Variants in PHF21A observed in about 807,000 individuals in gnomAD.
The protein encoded by PHF21A is PHD finger protein 21A.
Under a neutral mutation model 82.5 loss-of-function variants are expected in PHF21A, and 11 were observed. That is an observed-to-expected ratio of 0.13 (90% CI 0.08 to 0.22). The LOEUF (loss-of-function observed/expected upper bound fraction) is 0.22, where lower values mean the gene tolerates loss of function less well. PHF21A is among the 10% of genes least tolerant of loss of function. PHF21A has a pLI of 1.00. For missense variants in PHF21A, 579 were observed against 837.8 expected, an observed-to-expected ratio of 0.69 and a Z score of 3.81; for synonymous variants, 297 against 302.8, an observed-to-expected ratio of 0.98 and a Z score of 0.20.
At chr11:45,953,077 A>G (rs544440635) in intron 11 of PHF21A, among the ~76,000 whole-genome samples, 5 of 152,188 alleles carry the variant, frequency 3.3e-5, no homozygotes, top group Admixed American at 3.3e-4. Context: ...TTCTAATGTA[A>G]TACAATGGTT....
At chr11:46,100,265 T>C (rs182656431) in intron 1 of PHF21A, among the ~76,000 whole-genome samples, 1 of 152,094 alleles carries the variant, frequency 6.6e-6, no homozygotes, top group East Asian at 1.9e-4. Flanking sequence ...CCATTAACCT[T>C]GTTTAAAAAA....
Position 45,953,009 on chromosome 11 carries a change from C to A in PHF21A, c.1095+518G>T, listed in dbSNP as rs557442503. 8.7e-4 allele frequency among the ~76,000 whole-genome samples: 133 copies of A among 152,206 alleles called. 1 individual carries two copies. The South Asian group carries it at 0.026, about 30-fold the overall frequency. On this transcript the variant is annotated intron_variant, in intron 11 of 18. Transcript: ENST00000676320. Reference sequence around the variant, plus strand: ...TAGTATAGATGTTACTATTTTCATCCCTACTTTTATGCTTCAATGGATTAC... The same window carrying A: ...TAGTATAGATGTTACTATTTTCATCACTACTTTTATGCTTCAATGGATTAC...
chr11:46,050,282 C>T (rs555510165), intron 6 of PHF21A, among the ~76,000 whole-genome samples: 14 of 152,354 alleles, frequency 9.2e-5, no homozygotes, highest in Admixed American at 3.9e-4. Context: ...TCCTTGCTCA[C>T]GGCAGGAGAA....
chr11:45,978,181 T>C (rs1383051487), intron 7 of PHF21A, among the ~76,000 whole-genome samples: 1 of 152,130 alleles, frequency 6.6e-6, no homozygotes, highest in African/African-American at 2.4e-5. Context: ...GCGCCTGTAG[T>C]CCCAGCTACT....
At position 45,948,653 on chromosome 11, in the gene PHF21A, C is replaced by T. The variant is rs181882731; in HGVS notation, c.1288+233G>A. On this transcript the variant is annotated intron_variant, in intron 14 of 18. Transcript: ENST00000676320. ...GGCAGAAATGCTACATTAAGCCATT[C>T]CCCTGAGTCAGCTTTGCCAGAATCC... Among the ~76,000 whole-genome samples, 29 of 152,346 alleles carry T rather than the reference C, an allele frequency of 1.9e-4. 1 individual carries two copies. In the East Asian group the frequency reaches 5.4e-3, roughly 28 times the overall value.
rs1299232904 is a variant in PHF21A at position 45,945,896 on chromosome 11, A to T, written c.1396T>A (p.Phe466Ile). Residue 466 changes from phenylalanine (F) to isoleucine (I), a missense_variant, in exon 15 of 19, where the codon TTC (phenylalanine) becomes ATC (isoleucine). Phe to Ile is a conservative substitution (Grantham distance 21). Coordinates refer to ENST00000676320, the MANE Select transcript of PHF21A (RefSeq NM_001352027.3). Reference protein sequence around the residue: ...SPENEKTETTFTFPAPVQPVS... With the variant: ...SPENEKTETTITFPAPVQPVS... ...GGCTGAACAGGTGCAGGGAAAGTGAATGTGGTCTCTGTCTTTTCATTTTCA... is the reference window on the plus strand; with the variant it reads ...GGCTGAACAGGTGCAGGGAAAGTGATTGTGGTCTCTGTCTTTTCATTTTCA... 1 of 1,611,492 alleles carries T rather than the reference A, an allele frequency of 6.2e-7. No individual in the cohort carries two copies. The highest frequency in any genetic ancestry group is 8.5e-7 in the Non-Finnish European group (1 of 1,178,862).
At chr11:45,999,662 T>C (rs1303366474) in intron 6 of PHF21A, among the ~76,000 whole-genome samples, 1 of 152,316 alleles carries the variant, frequency 6.6e-6, no homozygotes, top group Admixed American at 6.5e-5. Context: ...GGAAGAACAA[T>C]GTCAATAACA....
intron 6 of PHF21A, among the ~76,000 whole-genome samples, chr11:46,070,831 A>C (rs1019398811): frequency 6.6e-6 from 1 of 152,244 alleles, no homozygotes; most frequent in African/African-American, 2.4e-5. Flanking sequence ...TTCTTTGAAA[A>C]ATATACTTCC....
chr11:46,020,647 C>A (rs1461124248), intron 6 of PHF21A, among the ~76,000 whole-genome samples: 1 of 152,164 alleles, frequency 6.6e-6, no homozygotes, highest in Non-Finnish European at 1.5e-5. Context: ...ATGAACATGA[C>A]CCAGAGTTCT....
intron 6 of PHF21A, among the ~76,000 whole-genome samples, chr11:45,999,238 G>A (rs1321767928): frequency 6.6e-6 from 1 of 152,136 alleles, no homozygotes; most frequent in Non-Finnish European, 1.5e-5. Context: ...CACAAACAGA[G>A]GTCAAGATCA....
intron 6 of PHF21A, among the ~76,000 whole-genome samples, chr11:45,981,196 G>A (rs2094262372): frequency 1.3e-5 from 2 of 151,750 alleles, no homozygotes; most frequent in Admixed American, 1.3e-4. Context: ...GACCAGCCTG[G>A]CCAACATGGT....
At chr11:46,000,874 C>T (rs1382964395) in intron 6 of PHF21A, among the ~76,000 whole-genome samples, 2 of 151,940 alleles carry the variant, frequency 1.3e-5, no homozygotes. Flanking sequence ...GAGCCAAGAT[C>T]GCACCATTGC....
intron 6 of PHF21A, among the ~76,000 whole-genome samples, chr11:46,008,231 G>T (rs2095339597): frequency 6.6e-6 from 1 of 152,136 alleles, no homozygotes; most frequent in Non-Finnish European, 1.5e-5. Context: ...ATAATGTTCA[G>T]ATGATAACTC....
chr11:46,095,328 T>A (rs904241190), intron 1 of PHF21A, among the ~76,000 whole-genome samples: 1 of 152,222 alleles, frequency 6.6e-6, no homozygotes, highest in East Asian at 1.9e-4. Context: ...GATTTCTTCA[T>A]GTTAAGCTGG....
intron 6 of PHF21A, among the ~76,000 whole-genome samples, chr11:46,040,485 G>A (rs182914470): frequency 2.0e-5 from 3 of 152,280 alleles, no homozygotes; most frequent in African/African-American, 4.8e-5. Context: ...GAGGGGTGAC[G>A]GCTTGGGGCT....
intron 6 of PHF21A, among the ~76,000 whole-genome samples, chr11:45,990,943 G>A (rs1055652992): frequency 4.6e-5 from 7 of 152,116 alleles, no homozygotes; most frequent in Non-Finnish European, 8.8e-5. Context: ...TACATTCCAT[G>A]GATTTAGACA....
chr11:45,946,199 T>C, intron 14 of PHF21A, 196 bp from the exon 15 acceptor site: 14 of 1,212,276 alleles, frequency 1.2e-5, no homozygotes, highest in Non-Finnish European at 1.6e-5. Context: ...GAAACAACTA[T>C]ATGACTCTCA....
chr11:46,091,572 T>A (rs576785699), intron 2 of PHF21A, among the ~76,000 whole-genome samples: 2 of 152,304 alleles, frequency 1.3e-5, no homozygotes, highest in South Asian at 4.1e-4. Context: ...ACTAATCCAA[T>A]ATTAATTTTA....
At chr11:46,041,213 G>C (rs2096133296) in intron 6 of PHF21A, among the ~76,000 whole-genome samples, 1 of 151,926 alleles carries the variant, frequency 6.6e-6, no homozygotes, top group African/African-American at 2.4e-5. Flanking sequence ...TTTTGTAACT[G>C]AATTTTCTCA....
Sources: allele counts gnomAD v4.1 joint callset (sites outside exome capture counted in the v4.1 genomes callset), GRCh38; gene constraint gnomAD v4.1.1; transcripts MANE v1.5; gene names NCBI Gene and HGNC (gene_info 2026-07-23, HGNC 2026-07-21).